Variants in HPCA observed in about 807,000 individuals in gnomAD.
HPCA encodes the protein hippocalcin.
Under a neutral mutation model 18.2 loss-of-function variants are expected in HPCA, and 4 were observed. The observed-to-expected ratio is 0.22, with a 90% CI of 0.11 to 0.50. The LOEUF is 0.50. HPCA is among the 20% of genes least tolerant of loss of function. HPCA has a pLI of 0.97. For missense variants in HPCA, 161 were observed against 265.8 expected, an observed-to-expected ratio of 0.61 and a Z score of 2.74; for synonymous variants, 93 against 103.5, an observed-to-expected ratio of 0.90 and a Z score of 0.61.
chr1:32,887,876 G>C (rs1156822493), intron 1 of HPCA, among the ~76,000 whole-genome samples: 2 of 152,088 alleles, frequency 1.3e-5, no homozygotes, highest in Non-Finnish European at 2.9e-5. Flanking sequence ...GTGAGTTGTG[G>C]AGCAGAGGGA....
chr1:32,893,502 C>T lies in HPCA; in HGVS notation c.379-22C>T, dbSNP rs1205722820. On this transcript the variant is annotated intron_variant, in intron 2 of 3. Coordinates refer to ENST00000373467, the MANE Select transcript of HPCA (RefSeq NM_002143.3). This position sits in a 1 kb window ranked among gnomAD's most constrained non-coding sequence, Gnocchi z 7.5. ...GGCTCGGGCAGGCTCCTCTCACTCC[C>T]CGCCTCCCCTCCCGCCCCCAGGCCA... The T allele has an allele frequency of 1.3e-6, 2 of 1,557,462 alleles. No individual in the cohort carries two copies. The highest frequency in any genetic ancestry group is 1.8e-4 in the Middle Eastern group (1 of 5,572).
At position 32,889,530 on chromosome 1, in the gene HPCA, G is replaced by A. The variant is rs371416434; in HGVS notation, c.378+254G>A. ...TTCATCATTATCAGTGTGTGTGTGC[G>A]TGTGTGCACACTAGTGTGTAACATT... On this transcript the variant is annotated intron_variant, in intron 2 of 3. Coordinates refer to ENST00000373467, the MANE Select transcript of HPCA (RefSeq NM_002143.3). This position sits in a 1 kb window ranked among gnomAD's most constrained non-coding sequence, Gnocchi z 4.6. Among the ~76,000 whole-genome samples the A allele has an allele frequency of 1.2e-4, 18 of 152,318 alleles. No individual in the cohort carries two copies. The highest frequency in any genetic ancestry group is 6.2e-4 in the South Asian group (3 of 4,826).
At chr1:32,888,802 G>T in intron 1 of HPCA, 76 bp from the exon 2 acceptor site, 1 of 1,348,408 alleles carries the variant, frequency 7.4e-7, no homozygotes, top group Admixed American at 2.2e-5. Flanking sequence ...TGGCAGGGGG[G>T]CCCATCTGGA....
At position 32,893,766 on chromosome 1, in the gene HPCA, C is replaced by A. The variant is rs1452494926; in HGVS notation, c.486C>A (p.Gly162=). Residue 162 remains glycine, a splice_region_variant and synonymous_variant, in exon 4 of 4, where the codon GGC becomes GGA. Transcript: ENST00000373467. This position sits in a 1 kb window ranked among gnomAD's most constrained non-coding sequence, Gnocchi z 7.5. ...IFRQMDTNND[G]KLSLEEFIRG... ...ATCACCGCTCCCCTCGCCCTGCAGGCAAGCTGTCCTTGGAGGAGTTCATCC... is the reference window on the plus strand; with the variant it reads ...ATCACCGCTCCCCTCGCCCTGCAGGAAAGCTGTCCTTGGAGGAGTTCATCC... 6 of 1,573,066 alleles carry A rather than the reference C, an allele frequency of 3.8e-6. No individual in the cohort carries two copies. The highest frequency in any genetic ancestry group is 1.2e-5 in the South Asian group (1 of 86,216).
At chr1:32,886,185 C>T (rs1641358878), upstream of HPCA, 1 of 152,204 alleles carries the variant, frequency 6.6e-6, no homozygotes, top group Admixed American at 6.5e-5. The surrounding 1 kb of genome is among the most constrained non-coding windows in gnomAD (Gnocchi z 7.0). Context: ...AGAGAGACCT[C>T]TTGGCACTAC....
Position 32,889,189 on chromosome 1 carries a change from G to A in HPCA, c.291G>A (p.Leu97=), listed in dbSNP as rs1180843449. 1 of 1,614,142 alleles carries A rather than the reference G, an allele frequency of 6.2e-7. No homozygotes were observed. Among genetic ancestry groups the A allele is most frequent in the African/African-American group, 1.3e-5 (1 of 74,948 alleles). Residue 97 remains leucine, a synonymous_variant, in exon 2 of 4, where the codon CTG becomes CTA. Transcript: ENST00000373467. The surrounding 1 kb of genome is among the most constrained non-coding windows in gnomAD (Gnocchi z 4.6). The part of the protein sequence containing the change: ...IALSVTSRGR[L]EQKLMWAFSM... ...TGAGCGTGACCTCGCGCGGCCGCCT[G>A]GAGCAGAAGCTCATGTGGGCCTTCA...
At chr1:32,891,686 AGT>A (rs1396359812) in intron 2 of HPCA, among the ~76,000 whole-genome samples, 3 of 152,198 alleles carry the variant, frequency 2.0e-5, no homozygotes, top group African/African-American at 7.2e-5. Context: ...AAGGCTACAC[AGT>A]TAGTGAGTAG....
rs980327077 is a variant in HPCA, at chr1:32,894,256, G to A, written c.*394G>A. The A allele has an allele frequency of 4.8e-6, 1 of 207,566 alleles. No individual in the cohort carries two copies. The highest frequency in any genetic ancestry group is 9.8e-6 in the Non-Finnish European group (1 of 102,494). The allele number at this position is 207,566 out of a possible 1,614,324, so 12.9% of individuals were successfully genotyped here. ...TCTGGAGGGGAGAGAAGGATTCTAG[G>A]GGTGTGGAGTTGGAGAAAGAGGCTT... On this transcript the variant is annotated 3_prime_UTR_variant, in exon 4 of 4. Transcript: ENST00000373467.
At chr1:32,890,333 T>G (rs1001814408) in intron 2 of HPCA, among the ~76,000 whole-genome samples, 1 of 152,244 alleles carries the variant, frequency 6.6e-6, no homozygotes, top group Non-Finnish European at 1.5e-5. Context: ...CTTTTGTTAG[T>G]ACAAGTTTAA....
rs1641522404 is a variant in HPCA, at chr1:32,894,067, G to C, written c.*205G>C. ...GCGGTTAGCACCCCCCAATCCCAGAGGCAACAATAGAGACACAGGCTGGGT... is the reference window on the plus strand; with the variant it reads ...GCGGTTAGCACCCCCCAATCCCAGACGCAACAATAGAGACACAGGCTGGGT... On this transcript the variant is annotated 3_prime_UTR_variant, in exon 4 of 4. Transcript: ENST00000373467. 1.7e-6 allele frequency: 1 copy of C among 573,550 alleles called. No individual in the cohort carries two copies. Among genetic ancestry groups the C allele is most frequent in the East Asian group, 2.9e-5 (1 of 35,046 alleles). 35.5% of individuals were successfully genotyped at this position (573,550 alleles called of 1,614,324 possible). A position where few individuals can be genotyped will look rare whatever the true frequency, so the allele number is the denominator to read the frequency against.
At position 32,893,441 on chromosome 1, in the gene HPCA, G is replaced by C; in HGVS notation, c.379-83G>C. On this transcript the variant is annotated intron_variant, in intron 2 of 3. Transcript: ENST00000373467. This position sits in a 1 kb window ranked among gnomAD's most constrained non-coding sequence, Gnocchi z 7.5. ...GCCCAGGCGGGGGCAGCAAACGTCAGAGAGCCCGGGGGCGCCTCTGAATCT... is the reference window on the plus strand; with the variant it reads ...GCCCAGGCGGGGGCAGCAAACGTCACAGAGCCCGGGGGCGCCTCTGAATCT... The C allele has an allele frequency of 1.0e-6, 1 of 976,554 alleles. No homozygotes were observed. Among genetic ancestry groups the C allele is most frequent in the South Asian group, 1.4e-5 (1 of 71,440 alleles). 60.5% of individuals were successfully genotyped at this position (976,554 alleles called of 1,614,324 possible).
chr1:32,891,017 T>C (rs936221531), intron 2 of HPCA, among the ~76,000 whole-genome samples: 1 of 152,244 alleles, frequency 6.6e-6, no homozygotes, highest in Non-Finnish European at 1.5e-5. Context: ...GGGTACTGAC[T>C]ATCTGAAGGA....
rs1641421072 is a variant in HPCA at position 32,889,371 on chromosome 1, T to C, written c.378+95T>C. The C allele has an allele frequency of 4.6e-6, 6 of 1,295,818 alleles. No homozygotes were observed. Among genetic ancestry groups the C allele is most frequent in the Non-Finnish European group, 6.3e-6 (6 of 949,478 alleles). 80.3% of individuals were successfully genotyped at this position (1,295,818 alleles called of 1,614,324 possible). Reference sequence around the variant, plus strand: ...CCTCTCAGCAGACCTCGTAGGCATGTGGTGGCAGGGGATATTCTTGCAATC... The same window carrying C: ...CCTCTCAGCAGACCTCGTAGGCATGCGGTGGCAGGGGATATTCTTGCAATC... On this transcript the variant is annotated intron_variant, in intron 2 of 3. Transcript: ENST00000373467. The surrounding 1 kb of genome is among the most constrained non-coding windows in gnomAD (Gnocchi z 4.6).
chr1:32,892,928 C>T (rs1254044707), intron 2 of HPCA, among the ~76,000 whole-genome samples: 1 of 152,192 alleles, frequency 6.6e-6, no homozygotes, highest in African/African-American at 2.4e-5. Context: ...CCAGCCTAGC[C>T]AAGCCTGGCG....
At position 32,886,510 on chromosome 1, in the gene HPCA, C is replaced by T. The variant is rs1004774838; in HGVS notation, c.-27C>T. The T allele has an allele frequency of 6.6e-6, 1 of 152,176 alleles. No individual in the cohort carries two copies. Among genetic ancestry groups the T allele is most frequent in the East Asian group, 1.9e-4 (1 of 5,180 alleles). 9.4% of individuals were successfully genotyped at this position (152,176 alleles called of 1,614,324 possible). On this transcript the variant is annotated 5_prime_UTR_variant, in exon 1 of 4. Coordinates refer to ENST00000373467, the MANE Select transcript of HPCA (RefSeq NM_002143.3). The surrounding 1 kb of genome is among the most constrained non-coding windows in gnomAD (Gnocchi z 7.0). ...CCCTGCGCAGTCGGTGTCTCCGCGT[C>T]GCTGGGTGAGTGGGGGCAGCTCCAG... is the stretch of plus-strand genomic sequence containing the variant.
chr1:32,893,390 G>A lies in HPCA; in HGVS notation c.379-134G>A. 1.5e-6 allele frequency: 1 copy of A among 652,944 alleles called. No homozygotes were observed. Among genetic ancestry groups the A allele is most frequent in the Non-Finnish European group, 2.8e-6 (1 of 362,244 alleles). The allele number at this position is 652,944 out of a possible 1,614,324, so 40.4% of individuals were successfully genotyped here. Reference sequence around the variant, plus strand: ...CTTCCCGAAGCCCTCGGCTCCCCACGCCTCCGTGATTCCCCACTCCACCTT... The same window carrying A: ...CTTCCCGAAGCCCTCGGCTCCCCACACCTCCGTGATTCCCCACTCCACCTT... On this transcript the variant is annotated intron_variant, in intron 2 of 3. Transcript: ENST00000373467. The surrounding 1 kb of genome is among the most constrained non-coding windows in gnomAD (Gnocchi z 7.5).
chr1:32,892,898 G>A (rs1003877851), intron 2 of HPCA, among the ~76,000 whole-genome samples: 1 of 152,208 alleles, frequency 6.6e-6, no homozygotes, highest in African/African-American at 2.4e-5. Flanking sequence ...GCACGTGGCG[G>A]CTGCCGCCCT....
Position 32,888,928 on chromosome 1 carries a change from C to G in HPCA, c.30C>G (p.Pro10=). The change falls in exon 2 of 4, where the codon CCC becomes CCG. Residue 10 remains proline, a synonymous_variant. Transcript: ENST00000373467. ...GCAAGCAGAACAGCAAGCTGCGGCC[C>G]GAGATGTTGCAGGACCTGCGAGAGA... is the stretch of plus-strand genomic sequence containing the variant. MGKQNSKLR[P]EMLQDLRENT... 1.2e-6 allele frequency: 2 copies of G among 1,613,382 alleles called. No homozygotes were observed. Among genetic ancestry groups the G allele is most frequent in the Non-Finnish European group, 1.7e-6 (2 of 1,179,644 alleles).
At chr1:32,886,219 A>G (rs2124007621), upstream of HPCA, 1 of 152,250 alleles carries the variant, frequency 6.6e-6, no homozygotes, top group African/African-American at 2.4e-5. This position sits in a 1 kb window ranked among gnomAD's most constrained non-coding sequence, Gnocchi z 7.0. Flanking sequence ...TCCGGCCACC[A>G]GAGCCGAGGT....
Sources: gnomAD v4.1 joint callset for allele counts (sites outside exome capture counted in the v4.1 genomes callset) on GRCh38, gnomAD v4.1.1 for gene constraint, Gnocchi (gnomAD v3.1) non-coding constraint, MANE v1.5 for transcripts, NCBI Gene and HGNC (gene_info 2026-07-23, HGNC 2026-07-21) for gene names.